The following DCBLD2 variants were observed in gnomAD, a reference collection of about 807,000 sequenced individuals.
DCBLD2 encodes discoidin, CUB and LCCL domain containing 2, also known as discoidin, CUB and LCCL domain-containing protein 2.
A neutral mutation model predicts 86.8 loss-of-function variants in DCBLD2; 54 were observed. The observed-to-expected ratio is 0.62, with a 90% CI of 0.50 to 0.78. DCBLD2 has a LOEUF of 0.78. DCBLD2 is among the 30% of genes least tolerant of loss of function. The pLI, the probability that DCBLD2 is intolerant of heterozygous loss-of-function variation, is 0.00. For synonymous variants in DCBLD2, 354 were observed against 341.3 expected (o/e 1.04, Z -0.41); for missense variants, 908 against 954.2 (o/e 0.95, Z 0.64).
intron 2 of DCBLD2, among the ~76,000 whole-genome samples, chr3:98,871,487 T>C (rs550581977): frequency 8.7e-4 from 132 of 152,296 alleles, no homozygotes; most frequent in African/African-American, 2.8e-3. Context: ...AGTTTTATCA[T>C]GAAGGGATGC....
At chr3:98,862,843 T>A (rs1329614575) in intron 2 of DCBLD2, among the ~76,000 whole-genome samples, 12 of 152,132 alleles carry the variant, frequency 7.9e-5, no homozygotes, top group Non-Finnish European at 1.2e-4. Flanking sequence ...CTACTCCTAT[T>A]TCATATAGTA....
rs1269980118 is a variant in DCBLD2 at position 98,812,590 on chromosome 3, T to C, written c.1213-108A>G. The C allele has an allele frequency of 4.3e-6, 4 of 931,232 alleles. No individual in the cohort carries two copies. The Admixed American group carries it at 9.6e-5, about 22-fold the overall frequency. The allele number at this position is 931,232 out of a possible 1,614,324, so 57.7% of individuals were successfully genotyped here. ...TTTGCTCTAGGCCTTAAATTACATCTGGAAAGTATGATAATAAGGATCAAT... is the reference window on the plus strand; with the variant it reads ...TTTGCTCTAGGCCTTAAATTACATCCGGAAAGTATGATAATAAGGATCAAT... On this transcript the variant is annotated intron_variant, in intron 9 of 15. Transcript: ENST00000326840.
intron 1 of DCBLD2, among the ~76,000 whole-genome samples, chr3:98,884,802 G>T (rs1245139257): frequency 1.3e-5 from 2 of 151,992 alleles, no homozygotes; most frequent in Non-Finnish European, 2.9e-5. Flanking sequence ...AGAAACTCAA[G>T]TATTTTCTAT....
intron 1 of DCBLD2, among the ~76,000 whole-genome samples, chr3:98,897,993 T>G (rs988707250): frequency 1.3e-5 from 2 of 152,060 alleles, no homozygotes; most frequent in African/African-American, 4.8e-5. Context: ...CAGCATAAGT[T>G]TCACCAATTT....
intron 1 of DCBLD2, among the ~76,000 whole-genome samples, chr3:98,894,638 A>G (rs577007412): frequency 6.6e-6 from 1 of 152,144 alleles, no homozygotes; most frequent in African/African-American, 2.4e-5. Context: ...GAAGACTGTT[A>G]GGCTCTGAGC....
chr3:98,832,376 G>A (rs939858565), intron 3 of DCBLD2, among the ~76,000 whole-genome samples: 4 of 152,122 alleles, frequency 2.6e-5, no homozygotes, highest in African/African-American at 9.7e-5. Context: ...ATTGGGTCTT[G>A]CTTTTTTATT....
chr3:98,801,326 G>A, intron 14 of DCBLD2: 1 of 397,426 alleles, frequency 2.5e-6, no homozygotes, highest in Non-Finnish European at 4.5e-6. Context: ...GTCTCCTCAT[G>A]AGAAACAGAT....
At chr3:98,867,963 C>T (rs565195005) in intron 2 of DCBLD2, among the ~76,000 whole-genome samples, 10 of 152,160 alleles carry the variant, frequency 6.6e-5, no homozygotes, top group South Asian at 6.2e-4. Context: ...CCACCGCGCC[C>T]GGCTACTTTT....
chr3:98,851,970 A>C (rs1942845877), intron 2 of DCBLD2, among the ~76,000 whole-genome samples: 1 of 152,216 alleles, frequency 6.6e-6, no homozygotes, highest in African/African-American at 2.4e-5. Flanking sequence ...AAGACCTAAA[A>C]CCATAAAAAA....
chr3:98,840,042 T>G (rs1265704734), intron 3 of DCBLD2, among the ~76,000 whole-genome samples: 4 of 152,148 alleles, frequency 2.6e-5, no homozygotes, highest in African/African-American at 9.7e-5. Context: ...TGAAGTCAGA[T>G]GAGTAATGGG....
At chr3:98,869,776 C>T (rs1943224878) in intron 2 of DCBLD2, among the ~76,000 whole-genome samples, 1 of 152,166 alleles carries the variant, frequency 6.6e-6, no homozygotes, top group African/African-American at 2.4e-5. Context: ...TTCAGAAAAA[C>T]TGAATTCATG....
At chr3:98,885,352 C>T (rs929403231) in intron 1 of DCBLD2, among the ~76,000 whole-genome samples, 2 of 152,012 alleles carry the variant, frequency 1.3e-5, no homozygotes, top group Admixed American at 1.3e-4. Flanking sequence ...TAACTAAGCA[C>T]CTACTGCTAT....
At chr3:98,859,988 C>T (rs998939312) in intron 2 of DCBLD2, among the ~76,000 whole-genome samples, 19 of 152,124 alleles carry the variant, frequency 1.2e-4, no homozygotes, top group Admixed American at 3.9e-4. Flanking sequence ...AAAGATTAGA[C>T]GAATGGCTAA....
chr3:98,880,175 G>A (rs951081425), intron 2 of DCBLD2, among the ~76,000 whole-genome samples: 1 of 152,184 alleles, frequency 6.6e-6, no homozygotes, highest in African/African-American at 2.4e-5. Flanking sequence ...AGCAGCCTGG[G>A]AGATAGGGCA....
chr3:98,829,137 T>C (rs1472141606), intron 3 of DCBLD2, among the ~76,000 whole-genome samples: 1 of 152,140 alleles, frequency 6.6e-6, no homozygotes, highest in Non-Finnish European at 1.5e-5. Flanking sequence ...CAATGAATTG[T>C]ATATACAGAT....
intron 3 of DCBLD2, among the ~76,000 whole-genome samples, chr3:98,838,455 CG>C (rs1942529044): frequency 1.5e-5 from 2 of 137,782 alleles, no homozygotes; most frequent in African/African-American, 5.4e-5. Context: ...GATGGGCGGC[CG>C]GGCAGAGACG....
At position 98,808,076 on chromosome 3, in the gene DCBLD2, C is replaced by T. The variant is rs760122121; in HGVS notation, c.1670+5G>A. On this transcript the variant is annotated splice_donor_5th_base_variant and intron_variant, in intron 13 of 15. Coordinates refer to ENST00000326840, the MANE Select transcript of DCBLD2 (RefSeq NM_080927.4). ...TGGACTCAGGTGAACTAGTTATGTA[C>T]TAACCTGTTTCTCCAGTGCCAAGCA... The T allele has an allele frequency of 6.3e-7, 1 of 1,585,956 alleles. No individual in the cohort carries two copies. The highest frequency in any genetic ancestry group is 1.8e-5 in the Admixed American group (1 of 54,890).
At chr3:98,835,541 T>A (rs1942421814) in intron 3 of DCBLD2, among the ~76,000 whole-genome samples, 1 of 149,410 alleles carries the variant, frequency 6.7e-6, no homozygotes, top group Non-Finnish European at 1.5e-5. Flanking sequence ...CCGTATGCTA[T>A]TTTTTTTTCT....
intron 3 of DCBLD2, among the ~76,000 whole-genome samples, chr3:98,832,125 T>C (rs1372451502): frequency 6.6e-6 from 1 of 152,238 alleles, no homozygotes; most frequent in African/African-American, 2.4e-5. Context: ...TGGGTGCTCC[T>C]GTGTTGAGTG....
Sources: gnomAD v4.1 joint callset for allele counts (sites outside exome capture counted in the v4.1 genomes callset) on GRCh38, gnomAD v4.1.1 for gene constraint, MANE v1.5 for transcripts, NCBI Gene and HGNC (gene_info 2026-07-23, HGNC 2026-07-21) for gene names.